The following HMG20A variants were observed in gnomAD, a reference collection of about 807,000 sequenced individuals.
The protein encoded by HMG20A is high mobility group protein 20A.
A neutral mutation model predicts 43.9 loss-of-function variants in HMG20A; 17 were observed. That is an observed-to-expected ratio of 0.39 (90% CI 0.27 to 0.58). The LOEUF (loss-of-function observed/expected upper bound fraction) is 0.58. Among genes scored for constraint, HMG20A ranks in the 20% least tolerant of loss-of-function variants. HMG20A has a pLI of 0.59. For synonymous variants in HMG20A, 132 were observed against 147.5 expected (o/e 0.89, Z 0.76); for missense variants, 341 against 438.2 (o/e 0.78, Z 1.98).
the HMG20A span, among the ~76,000 whole-genome samples, chr15:77,517,219 C>A: frequency 2.0e-5 from 3 of 152,314 alleles, no homozygotes; most frequent in East Asian, 5.8e-4. Context: ...AAGCCTCTGT[C>A]AACTCTATCA....
Position 77,479,499 on chromosome 15 carries a change from A to G in HMG20A, c.*6+178A>G, listed in dbSNP as rs188650378. The G allele has an allele frequency of 2.2e-3, 1,300 of 589,452 alleles. 4 individuals are homozygous for G. The highest frequency in any genetic ancestry group is 2.0e-3 in the Non-Finnish European group (701 of 351,264). The allele number at this position is 589,452 out of a possible 1,614,324, so 36.5% of individuals were successfully genotyped here. A position where few individuals can be genotyped will look rare whatever the true frequency, so the allele number is the denominator to read the frequency against. On this transcript the variant is annotated intron_variant, in intron 9 of 9. Transcript: ENST00000336216. Reference sequence around the variant, plus strand: ...GTAAATAATATTAGAAAAGAGAATCACTGTAGTCCCAGCTACTTGGGAGGC... The same window carrying G: ...GTAAATAATATTAGAAAAGAGAATCGCTGTAGTCCCAGCTACTTGGGAGGC...
Position 77,458,069 on chromosome 15 carries a change from G to T in HMG20A, c.-4-335G>T, listed in dbSNP as rs2072672309. 1.5e-5 allele frequency: 3 copies of T among 201,044 alleles called. No individual in the cohort carries two copies. The South Asian group carries it at 2.4e-4, about 16-fold the overall frequency. The allele number at this position is 201,044 out of a possible 1,614,324, so 12.5% of individuals were successfully genotyped here. ...AGAGCTTAAATAGCTTGCTCAGAGT[G>T]GCAGTGCTTCTGAGTTACCCTGCTT... On this transcript the variant is annotated intron_variant, in intron 1 of 9. Coordinates refer to ENST00000336216, the MANE Select transcript of HMG20A (RefSeq NM_001304504.2).
intron 1 of HMG20A, among the ~76,000 whole-genome samples, chr15:77,435,852 C>T (rs1004428793): frequency 2.6e-5 from 4 of 151,046 alleles, no homozygotes; most frequent in Admixed American, 6.6e-5. Flanking sequence ...TCTGACACCA[C>T]GCATTCCTGG....
At chr15:77,476,853 TA>T (rs1261231119) in intron 6 of HMG20A, among the ~76,000 whole-genome samples, 1 of 152,258 alleles carries the variant, frequency 6.6e-6, no homozygotes, top group Non-Finnish European at 1.5e-5. Context: ...GAGGCTTTTT[TA>T]TTTTTAATGG....
the HMG20A span, among the ~76,000 whole-genome samples, chr15:77,496,178 T>C: frequency 6.6e-6 from 1 of 152,268 alleles, no homozygotes; most frequent in East Asian, 1.9e-4. Context: ...CTTAAACCCA[T>C]GCAGCACAAA....
chr15:77,516,772 G>T, the HMG20A span, among the ~76,000 whole-genome samples: 1 of 152,158 alleles, frequency 6.6e-6, no homozygotes, highest in African/African-American at 2.4e-5. Context: ...TGGGCATTCC[G>T]GGAAAAGGGG....
intron 2 of HMG20A, among the ~76,000 whole-genome samples, chr15:77,463,361 A>G (rs1453499445): frequency 6.6e-6 from 1 of 152,144 alleles, no homozygotes; most frequent in East Asian, 1.9e-4. Flanking sequence ...CTTACGTTGC[A>G]TTGTAATTAT....
the HMG20A span, among the ~76,000 whole-genome samples, chr15:77,514,078 G>A: frequency 6.6e-6 from 1 of 152,096 alleles, no homozygotes; most frequent in Non-Finnish European, 1.5e-5. Context: ...TAATGGTCCT[G>A]TCTCCAAATA....
In HMG20A at chr15:77,431,273, G is replaced by A. The variant is rs138572610; in HGVS notation, c.-5+10269G>A. On this transcript the variant is annotated intron_variant, in intron 1 of 9. Transcript: ENST00000336216. The stretch of plus-strand genomic sequence containing the variant: ...GTCACCCAGGCTGGAATGCAGTGGC[G>A]TGATCTCAGCTCACTGCAACCTTTG... 5.9e-5 allele frequency among the ~76,000 whole-genome samples: 9 copies of A among 152,128 alleles called. No individual in the cohort carries two copies. In the East Asian group the frequency reaches 9.7e-4, roughly 16 times the overall value.
chr15:77,470,895 G>T lies in HMG20A; in HGVS notation c.451-15G>T. 6.5e-7 allele frequency: 1 copy of T among 1,550,046 alleles called. No individual in the cohort carries two copies. The highest frequency in any genetic ancestry group is 2.4e-5 in the East Asian group (1 of 42,294). On this transcript the variant is annotated splice_polypyrimidine_tract_variant and intron_variant, in intron 4 of 9. Coordinates refer to ENST00000336216, the MANE Select transcript of HMG20A (RefSeq NM_001304504.2). ...ATCTCATTTTCTTGAAAATAATTCTGTATTTCTTTCCTAGCGCTACCTTGA... is the reference window on the plus strand; with the variant it reads ...ATCTCATTTTCTTGAAAATAATTCTTTATTTCTTTCCTAGCGCTACCTTGA...
intron 9 of HMG20A, among the ~76,000 whole-genome samples, chr15:77,479,867 G>A (rs537042943): frequency 6.6e-6 from 1 of 152,288 alleles, no homozygotes; most frequent in Non-Finnish European, 1.5e-5. Flanking sequence ...GTGAGACATT[G>A]TATGTATGTG....
chr15:77,488,789 AAC>A (rs1208350101), downstream of HMG20A, among the ~76,000 whole-genome samples: 2 of 152,238 alleles, frequency 1.3e-5, no homozygotes, highest in African/African-American at 4.8e-5. Flanking sequence ...TAAAATGAGA[AAC>A]TATCAGAATG....
At chr15:77,456,972 G>A (rs542150357) in intron 1 of HMG20A, among the ~76,000 whole-genome samples, 1 of 152,162 alleles carries the variant, frequency 6.6e-6, no homozygotes, top group South Asian at 2.1e-4. Context: ...AAGCATTCCT[G>A]CAGTAGAATA....
At position 77,478,283 on chromosome 15, in the gene HMG20A, G is replaced by A. The variant is rs1323995818; in HGVS notation, c.692-12G>A. The A allele has an allele frequency of 1.9e-6, 3 of 1,612,736 alleles. No homozygotes were observed. The highest frequency in any genetic ancestry group is 1.7e-6 in the Non-Finnish European group (2 of 1,179,850). ...TAGTGCTGCATGTGTTCTGTGGGATGTATGTCCTCAGCTCGGGAAGCAGAG... is the reference window on the plus strand; with the variant it reads ...TAGTGCTGCATGTGTTCTGTGGGATATATGTCCTCAGCTCGGGAAGCAGAG... On this transcript the variant is annotated splice_polypyrimidine_tract_variant and intron_variant, in intron 7 of 9. Coordinates refer to ENST00000336216, the MANE Select transcript of HMG20A (RefSeq NM_001304504.2).
the HMG20A span, among the ~76,000 whole-genome samples, chr15:77,498,706 C>G: frequency 6.6e-6 from 1 of 152,256 alleles, no homozygotes; most frequent in Non-Finnish European, 1.5e-5. Flanking sequence ...TTTAATCTGC[C>G]CCATGTATCT....
rs114933544 is a variant in HMG20A, at chr15:77,478,049, G to A, written c.692-246G>A. On this transcript the variant is annotated intron_variant, in intron 7 of 9. Transcript: ENST00000336216. ...AAAACTAACAAACAAAAAAATACTG[G>A]GAATTGAAACTGTTTGTTGCAATCT... 849 of 555,828 alleles carry A rather than the reference G, an allele frequency of 1.5e-3. 5 individuals are homozygous for A. The highest frequency in any genetic ancestry group is 0.011 in the African/African-American group (570 of 53,302). 34.4% of individuals were successfully genotyped at this position (555,828 alleles called of 1,614,324 possible). A position where few individuals can be genotyped will look rare whatever the true frequency, so the allele number is the denominator to read the frequency against.
At chr15:77,445,502 G>A (rs186573625) in intron 1 of HMG20A, among the ~76,000 whole-genome samples, 3 of 152,296 alleles carry the variant, frequency 2.0e-5, no homozygotes, top group South Asian at 4.1e-4. Context: ...TGGTACACAT[G>A]AATTTCTCCT....
In HMG20A at chr15:77,420,909, T is replaced by A; in HGVS notation, c.-100T>A. 1 of 398,750 alleles carries A rather than the reference T, an allele frequency of 2.5e-6. No homozygotes were observed. The highest frequency in any genetic ancestry group is 4.4e-6 in the Non-Finnish European group (1 of 226,148). 24.7% of individuals were successfully genotyped at this position (398,750 alleles called of 1,614,324 possible). On this transcript the variant is annotated 5_prime_UTR_variant, in exon 1 of 10. Transcript: ENST00000336216. Reference sequence around the variant, plus strand: ...GTCCAGCTGTGAGACGACGAGTGCGTGAAGTGAAGGCGATTGAGAGGGGCT... The same window carrying A: ...GTCCAGCTGTGAGACGACGAGTGCGAGAAGTGAAGGCGATTGAGAGGGGCT...
At chr15:77,503,576 T>A in the HMG20A span, among the ~76,000 whole-genome samples, 24 of 152,238 alleles carry the variant, frequency 1.6e-4, no homozygotes, top group East Asian at 4.6e-3. Flanking sequence ...GCAGCCACCC[T>A]AGGGGAGAGG....
Sources: gnomAD v4.1 joint callset for allele counts (sites outside exome capture counted in the v4.1 genomes callset) on GRCh38, gnomAD v4.1.1 for gene constraint, MANE v1.5 for transcripts, NCBI Gene and HGNC (gene_info 2026-07-23, HGNC 2026-07-21) for gene names.